Variants in ZNF438 observed in about 807,000 individuals in gnomAD.
ZNF438 encodes zinc finger protein 438.
In ZNF438, 25 loss-of-function variants were observed where a neutral mutation model predicts 38.0. The observed-to-expected ratio is 0.66, with a 90% CI of 0.48 to 0.92. The LOEUF is 0.92. Ranked by LOEUF, ZNF438 falls within the 40% of genes least tolerant of loss-of-function variation. The pLI is 0.00. For missense variants in ZNF438, 1,007 were observed against 999.6 expected (o/e 1.01, Z -0.10); for synonymous variants, 372 against 364.1 (o/e 1.02, Z -0.25).
chr10:31,031,888 G>A (rs530075619), exon 1 of ZNF438: 1 of 152,378 alleles, frequency 6.6e-6, no homozygotes, highest in East Asian at 1.9e-4. Context: ...CCAGCAGTCG[G>A]GGAGGTCAAG....
At chr10:30,933,125 T>C (rs962271596) in intron 2 of ZNF438, among the ~76,000 whole-genome samples, 4 of 152,230 alleles carry the variant, frequency 2.6e-5, no homozygotes, top group African/African-American at 9.6e-5. Flanking sequence ...CTCTCACTTA[T>C]ATTGAAATAT....
chr10:30,988,130 T>C (rs527982923), intron 1 of ZNF438, among the ~76,000 whole-genome samples: 16 of 151,316 alleles, frequency 1.1e-4, no homozygotes, highest in African/African-American at 3.1e-4. Flanking sequence ...GAGTTTACTG[T>C]TTTTTTTAAT....
chr10:30,986,621 G>C (rs115064546), intron 1 of ZNF438, among the ~76,000 whole-genome samples: 1,760 of 152,188 alleles, frequency 0.012, 31 homozygotes, highest in African/African-American at 0.039. Context: ...GTTTGGGGTC[G>C]GAAGTGTTTT....
At chr10:30,863,600 C>CATCTAT (rs1564515284) in intron 4 of ZNF438, among the ~76,000 whole-genome samples, 2 of 152,232 alleles carry the variant, frequency 1.3e-5, no homozygotes, top group Non-Finnish European at 1.5e-5. Context: ...TATCTATTCT[C>CATCTAT]ATCCACAGAT....
rs2044793008 is a variant in ZNF438, at chr10:30,925,364, A to G, written c.-115+16211T>C. Among the ~76,000 whole-genome samples the G allele has an allele frequency of 2.6e-5, 4 of 152,212 alleles. 1 individual carries two copies. In the South Asian group the frequency reaches 8.3e-4, roughly 31 times the overall value. ...GGGAAGATTACTTGCTTTTGCTTTGAACATTTCTACTACAGAGATAACAAT... is the reference window on the plus strand; with the variant it reads ...GGGAAGATTACTTGCTTTTGCTTTGGACATTTCTACTACAGAGATAACAAT... On this transcript the variant is annotated intron_variant, in intron 2 of 5. Coordinates refer to ENST00000413025, the Ensembl canonical transcript of ZNF438.
chr10:30,919,599 G>A (rs2044053642), intron 2 of ZNF438: 1 of 151,734 alleles, frequency 6.6e-6, no homozygotes, highest in African/African-American at 2.4e-5. Context: ...CTTGTCACTG[G>A]ATTCAGACAA....
intron 4 of ZNF438, among the ~76,000 whole-genome samples, chr10:30,871,767 C>T (rs1444012199): frequency 6.6e-6 from 1 of 152,120 alleles, no homozygotes; most frequent in Non-Finnish European, 1.5e-5. Context: ...TATGAATTCA[C>T]ATGATAGACA....
chr10:31,026,288 A>G (rs932912498), intron 1 of ZNF438, among the ~76,000 whole-genome samples: 2 of 152,168 alleles, frequency 1.3e-5, no homozygotes, highest in South Asian at 2.1e-4. Flanking sequence ...AAACTACCAT[A>G]AAGAGTGAAC....
intron 2 of ZNF438, among the ~76,000 whole-genome samples, chr10:30,928,633 G>A (rs2045248726): frequency 6.7e-6 from 1 of 149,986 alleles, no homozygotes; most frequent in South Asian, 2.1e-4. Flanking sequence ...AGTCTTATTT[G>A]TTCTTATTCA....
intron 4 of ZNF438, among the ~76,000 whole-genome samples, chr10:30,853,699 C>T (rs941895822): frequency 1.3e-5 from 2 of 152,238 alleles, no homozygotes; most frequent in Non-Finnish European, 2.9e-5. Context: ...TTCTCTAGAA[C>T]ATATGCTCCA....
intron 1 of ZNF438, among the ~76,000 whole-genome samples, chr10:30,980,264 A>AAC (rs1321935796): frequency 1.3e-5 from 2 of 151,646 alleles, no homozygotes; most frequent in African/African-American, 2.4e-5. Flanking sequence ...TAAAAAAAAA[A>AAC]AAAAAAACAC....
At chr10:30,848,939 G>C in exon 5 of ZNF438, 2 of 1,614,120 alleles carry the variant, frequency 1.2e-6, no homozygotes, top group South Asian at 1.1e-5. Context: ...GCTGGGCTTA[G>C]GGGAAGAGCT....
At chr10:30,990,444 C>T (rs1029860723) in intron 1 of ZNF438, among the ~76,000 whole-genome samples, 9 of 152,208 alleles carry the variant, frequency 5.9e-5, no homozygotes, top group African/African-American at 2.2e-4. Flanking sequence ...CTCAGCCTCA[C>T]TCAGATACTT....
At position 30,975,354 on chromosome 10, in the gene ZNF438, A is replaced by G. The variant is rs974620090; in HGVS notation, c.-191-33703T>C. On this transcript the variant is annotated intron_variant, in intron 1 of 5. Transcript: ENST00000413025. ...TAGGCACATTCAAGATGGGGAAAAC[A>G]GTCTTAGAGACTCGAAAGCAATAGA... is the stretch of plus-strand genomic sequence containing the variant. Among the ~76,000 whole-genome samples the G allele has an allele frequency of 5.3e-5, 8 of 152,338 alleles. No homozygotes were observed. In the South Asian group the frequency reaches 1.4e-3, roughly 28 times the overall value.
At chr10:30,897,214 G>A (rs1779653106) in intron 3 of ZNF438, among the ~76,000 whole-genome samples, 1 of 152,058 alleles carries the variant, frequency 6.6e-6, no homozygotes, top group African/African-American at 2.4e-5. Flanking sequence ...AGTTTTTTGA[G>A]GAACATATTT....
chr10:30,950,022 A>G (rs1332804917), intron 1 of ZNF438, among the ~76,000 whole-genome samples: 1 of 152,158 alleles, frequency 6.6e-6, no homozygotes, highest in Non-Finnish European at 1.5e-5. Context: ...AACAAATGTA[A>G]AAGAACAGAA....
chr10:30,890,465 C>G (rs1168991047), intron 3 of ZNF438, among the ~76,000 whole-genome samples: 2 of 152,180 alleles, frequency 1.3e-5, no homozygotes, highest in Admixed American at 6.5e-5. Flanking sequence ...TAAATGGCTA[C>G]CTCCAAACTC....
At position 30,877,081 on chromosome 10, in the gene ZNF438, C is replaced by A; in HGVS notation, c.-31-16G>T. The A allele has an allele frequency of 1.3e-6, 2 of 1,492,118 alleles. No individual in the cohort carries two copies. The highest frequency in any genetic ancestry group is 9.2e-7 in the Non-Finnish European group (1 of 1,087,372). The allele number at this position is 1,492,118 out of a possible 1,614,324, so 92.4% of individuals were successfully genotyped here. ...AGTATCTTTCCTAAAAATAAGCAAG[C>A]ACAAATAAGTATTAGAAAGTAATTG... On this transcript the variant is annotated splice_polypyrimidine_tract_variant and intron_variant, in intron 3 of 5. Coordinates refer to ENST00000413025, the Ensembl canonical transcript of ZNF438.
At chr10:30,977,223 T>C (rs2051466025) in intron 1 of ZNF438, among the ~76,000 whole-genome samples, 1 of 152,244 alleles carries the variant, frequency 6.6e-6, no homozygotes, top group South Asian at 2.1e-4. Context: ...ACCATACCAA[T>C]ATATAGACAA....
Sources: allele counts gnomAD v4.1 joint callset (sites outside exome capture counted in the v4.1 genomes callset), GRCh38; gene constraint gnomAD v4.1.1; transcripts MANE v1.5; gene names NCBI Gene and HGNC (gene_info 2026-07-23, HGNC 2026-07-21).